The following LRRC4C variants were observed in gnomAD, a reference collection of about 807,000 sequenced individuals.
The protein encoded by LRRC4C is leucine rich repeat containing 4C.
A neutral mutation model predicts 33.6 loss-of-function variants in LRRC4C; 5 were observed. The observed-to-expected ratio is 0.15, with a 90% confidence interval of 0.08 to 0.31. LRRC4C has a LOEUF of 0.31. Among genes scored for constraint, LRRC4C ranks in the 10% least tolerant of loss-of-function variants. The pLI is 1.00. For synonymous variants in LRRC4C, 329 were observed against 302.0 expected, an observed-to-expected ratio of 1.09 and a Z score of -0.93; for missense variants, 560 against 796.7, an observed-to-expected ratio of 0.70 and a Z score of 3.58.
At chr11:41,372,009 C>T (rs1042536000) in intron 1 of LRRC4C, among the ~76,000 whole-genome samples, 2 of 152,218 alleles carry the variant, frequency 1.3e-5, no homozygotes, top group Non-Finnish European at 2.9e-5. Context: ...TAGTGGCTGG[C>T]GCCTGTAGTC....
intron 1 of LRRC4C, among the ~76,000 whole-genome samples, chr11:41,320,848 C>G (rs1193669083): frequency 6.6e-6 from 1 of 152,110 alleles, no homozygotes; most frequent in African/African-American, 2.4e-5. Context: ...ATCTACCTCC[C>G]AACACATTCA....
intron 1 of LRRC4C, among the ~76,000 whole-genome samples, chr11:40,940,220 T>C (rs933083012): frequency 1.3e-5 from 2 of 152,152 alleles, no homozygotes; most frequent in South Asian, 2.1e-4. Flanking sequence ...ATGGGCTTGT[T>C]GTGAGAATTA....
At chr11:40,456,967 T>G (rs1590799495) in intron 3 of LRRC4C, among the ~76,000 whole-genome samples, 1 of 152,006 alleles carries the variant, frequency 6.6e-6, no homozygotes, top group South Asian at 2.1e-4. Context: ...AAAAATTATG[T>G]GTGCTATACA....
intron 1 of LRRC4C, among the ~76,000 whole-genome samples, chr11:41,168,446 A>G (rs1216612644): frequency 6.6e-6 from 1 of 152,170 alleles, no homozygotes; most frequent in Non-Finnish European, 1.5e-5. Flanking sequence ...GAATGAACAC[A>G]GGGGATACCT....
intron 4 of LRRC4C, among the ~76,000 whole-genome samples, chr11:40,275,890 G>A (rs1943066993): frequency 6.6e-6 from 1 of 152,154 alleles, no homozygotes; most frequent in Non-Finnish European, 1.5e-5. Context: ...CCCAGAGGTG[G>A]AAGTCAAGGG....
intron 2 of LRRC4C, among the ~76,000 whole-genome samples, chr11:40,722,921 G>T (rs1947099895): frequency 6.6e-6 from 1 of 151,988 alleles, no homozygotes; most frequent in African/African-American, 2.4e-5. Flanking sequence ...CTGAACTTCT[G>T]GAATTTAAAA....
intron 3 of LRRC4C, among the ~76,000 whole-genome samples, chr11:40,427,013 T>C (rs1009153927): frequency 6.6e-6 from 1 of 152,132 alleles, no homozygotes; most frequent in African/African-American, 2.4e-5. Context: ...CTTACTAAAA[T>C]TTTGCATTTA....
At chr11:41,095,968 T>A (rs1940782764) in intron 1 of LRRC4C, among the ~76,000 whole-genome samples, 1 of 152,194 alleles carries the variant, frequency 6.6e-6, no homozygotes, top group Non-Finnish European at 1.5e-5. Context: ...AGCATAGTTA[T>A]TCACTCAACA....
intron 2 of LRRC4C, among the ~76,000 whole-genome samples, chr11:40,773,411 A>G (rs973876585): frequency 6.6e-6 from 1 of 152,154 alleles, no homozygotes; most frequent in Non-Finnish European, 1.5e-5. Flanking sequence ...CAGATATTCC[A>G]TATACACTGT....
intron 1 of LRRC4C, among the ~76,000 whole-genome samples, chr11:40,939,024 A>G (rs756152078): frequency 3.2e-4 from 49 of 152,142 alleles, no homozygotes; most frequent in Non-Finnish European, 4.7e-4. Context: ...AGAAATGTTT[A>G]TGATATAATA....
At chr11:41,148,150 G>A (rs1161823460) in intron 1 of LRRC4C, among the ~76,000 whole-genome samples, 1 of 152,072 alleles carries the variant, frequency 6.6e-6, no homozygotes, top group Non-Finnish European at 1.5e-5. Context: ...CAAGTAGTTG[G>A]GACTACAGGT....
intron 3 of LRRC4C, among the ~76,000 whole-genome samples, chr11:40,372,193 G>A (rs1948479611): frequency 6.6e-6 from 1 of 152,168 alleles, no homozygotes; most frequent in African/African-American, 2.4e-5. Context: ...CCCCAAAGAG[G>A]TTAAATTATT....
At chr11:40,273,956 C>A (rs771340391) in intron 4 of LRRC4C, among the ~76,000 whole-genome samples, 1 of 152,008 alleles carries the variant, frequency 6.6e-6, no homozygotes, top group African/African-American at 2.4e-5. Flanking sequence ...ATTTTCCCCA[C>A]GAGGTAGGGG....
At chr11:40,411,902 C>G (rs1050954373) in intron 3 of LRRC4C, among the ~76,000 whole-genome samples, 1 of 151,952 alleles carries the variant, frequency 6.6e-6, no homozygotes, top group Non-Finnish European at 1.5e-5. Context: ...ATTCAATCCT[C>G]TCAATAACCC....
At chr11:41,449,519 T>C (rs1329722395) in intron 1 of LRRC4C, among the ~76,000 whole-genome samples, 1 of 152,066 alleles carries the variant, frequency 6.6e-6, no homozygotes, top group Admixed American at 6.6e-5. Flanking sequence ...CACTAACTAC[T>C]GTGAGGGGTG....
At chr11:40,890,063 C>T (rs147417855) in intron 2 of LRRC4C, among the ~76,000 whole-genome samples, 6 of 152,206 alleles carry the variant, frequency 3.9e-5, no homozygotes, top group Admixed American at 3.9e-4. Flanking sequence ...TCCATCATAC[C>T]TTCCTTGCAT....
intron 3 of LRRC4C, among the ~76,000 whole-genome samples, chr11:40,612,315 T>C (rs1961311295): frequency 6.6e-6 from 1 of 151,722 alleles, no homozygotes; most frequent in Non-Finnish European, 1.5e-5. Context: ...CAAGACCACG[T>C]ATTTGGGGTA....
chr11:40,273,869 G>A (rs777987395), intron 4 of LRRC4C, among the ~76,000 whole-genome samples: 1 of 152,124 alleles, frequency 6.6e-6, no homozygotes, highest in Non-Finnish European at 1.5e-5. Flanking sequence ...TGATGTGGGT[G>A]TGGATGCTGT....
At chr11:40,862,885 A>G (rs1954171676) in intron 2 of LRRC4C, among the ~76,000 whole-genome samples, 1 of 152,226 alleles carries the variant, frequency 6.6e-6, no homozygotes, top group Non-Finnish European at 1.5e-5. Flanking sequence ...GCATTTATTA[A>G]GTAGTAGTTC....
Sources: gnomAD v4.1 joint callset for allele counts (sites outside exome capture counted in the v4.1 genomes callset) on GRCh38, gnomAD v4.1.1 for gene constraint, MANE v1.5 for transcripts, NCBI Gene and HGNC (gene_info 2026-07-23, HGNC 2026-07-21) for gene names.